TXNL1: variants seen among roughly 807,000 people sequenced by gnomAD.
TXNL1 encodes thioredoxin-like protein 1.
In TXNL1, 14 loss-of-function variants were observed where a neutral mutation model predicts 35.5. The observed-to-expected ratio is 0.39, with a 90% CI of 0.26 to 0.62. The LOEUF is 0.62. TXNL1 is among the 20% of genes least tolerant of loss of function. TXNL1 has a pLI of 0.47. For missense variants in TXNL1, 263 were observed against 349.7 expected (o/e 0.75, Z 1.98); for synonymous variants, 110 against 115.5 (o/e 0.95, Z 0.31).
At chr18:56,633,619 C>CAA (rs58501408) in intron 1 of TXNL1, among the ~76,000 whole-genome samples, 10 of 91,072 alleles carry the variant, frequency 1.1e-4, no homozygotes, top group East Asian at 1.1e-3. Context: ...GACCCTGTCT[C>CAA]AAAAAAAAAA....
At chr18:56,627,081 A>G (rs773961412) in intron 1 of TXNL1, among the ~76,000 whole-genome samples, 3 of 151,490 alleles carry the variant, frequency 2.0e-5, no homozygotes, top group Non-Finnish European at 4.4e-5. Context: ...CCCAAAGTGC[A>G]GACATTACAG....
intron 6 of TXNL1, among the ~76,000 whole-genome samples, chr18:56,611,845 ATTT>A (rs375995266): frequency 1.7e-5 from 2 of 116,488 alleles, no homozygotes; most frequent in African/African-American, 6.7e-5. Flanking sequence ...CACCCGGCTA[ATTT>A]TTTTTTTTTT....
intron 1 of TXNL1, among the ~76,000 whole-genome samples, chr18:56,634,138 T>G (rs929526542): frequency 6.6e-6 from 1 of 152,030 alleles, no homozygotes; most frequent in African/African-American, 2.4e-5. Context: ...TATCTGGGCA[T>G]AAGTAACAAT....
At chr18:56,626,787 C>T (rs2024288405) in intron 1 of TXNL1, among the ~76,000 whole-genome samples, 1 of 132,392 alleles carries the variant, frequency 7.6e-6, no homozygotes, top group African/African-American at 3.1e-5. Context: ...GCGTGAGCCA[C>T]CAAGCCGGTC....
At chr18:56,616,455 C>A (rs1213768372) in intron 4 of TXNL1, 141 bp from the exon 5 acceptor site, 3 of 674,540 alleles carry the variant, frequency 4.4e-6, no homozygotes, top group Non-Finnish European at 4.9e-6. Context: ...TATGAAAAAT[C>A]AGCAAGTGGA....
At chr18:56,619,637 T>G (rs1430165234) in intron 3 of TXNL1, among the ~76,000 whole-genome samples, 2 of 152,152 alleles carry the variant, frequency 1.3e-5, no homozygotes, top group African/African-American at 2.4e-5. Flanking sequence ...TACTTTGGAT[T>G]TTACCGTTTA....
chr18:56,616,955 G>T (rs551510826), intron 4 of TXNL1, among the ~76,000 whole-genome samples: 35 of 152,186 alleles, frequency 2.3e-4, no homozygotes, highest in Admixed American at 6.5e-4. Context: ...AGCCAAAAGT[G>T]TGTTTGATGT....
intron 6 of TXNL1, among the ~76,000 whole-genome samples, chr18:56,612,015 ATCTTTTTT>A (rs1452583309): frequency 2.3e-4 from 24 of 105,462 alleles, no homozygotes; most frequent in Admixed American, 2.0e-3. Flanking sequence ...CGCCCGGCTA[ATCTTTTTT>A]TTTTTTTTTT....
chr18:56,632,978 A>AT, intron 1 of TXNL1, among the ~76,000 whole-genome samples: 1 of 152,196 alleles, frequency 6.6e-6, no homozygotes. Flanking sequence ...ACATATGTTT[A>AT]ATATACAATT....
chr18:56,606,787 C>CA (rs764040858), intron 7 of TXNL1, among the ~76,000 whole-genome samples: 10 of 152,220 alleles, frequency 6.6e-5, no homozygotes, highest in Admixed American at 6.5e-5. Flanking sequence ...CTGCTGTAGA[C>CA]AGAGATCATG....
intron 7 of TXNL1, 71 bp from the exon 8 acceptor site, chr18:56,603,127 A>G: frequency 3.0e-6 from 4 of 1,330,614 alleles, no homozygotes; most frequent in Non-Finnish European, 4.3e-6. Context: ...AAATACTAAT[A>G]ATCAGTTTAA....
intron 1 of TXNL1, among the ~76,000 whole-genome samples, chr18:56,634,101 C>G (rs1046286379): frequency 2.7e-5 from 4 of 150,478 alleles, no homozygotes; most frequent in African/African-American, 9.8e-5. Flanking sequence ...AACAACAAAA[C>G]TGGTACTACT....
At chr18:56,629,154 AG>A (rs2024331337) in intron 1 of TXNL1, among the ~76,000 whole-genome samples, 1 of 152,234 alleles carries the variant, frequency 6.6e-6, no homozygotes, top group South Asian at 2.1e-4. Flanking sequence ...ATGTAGTATA[AG>A]GAAGTTCAAT....
At position 56,598,057 on chromosome 18, in the gene TXNL1, T is replaced by C. The variant is rs1468183842; in HGVS notation, c.*4970A>G. The C allele has an allele frequency of 1.3e-5, 2 of 152,224 alleles. No homozygotes were observed. Among genetic ancestry groups the C allele is most frequent in the Admixed American group, 6.5e-5 (1 of 15,284 alleles). 9.4% of individuals were successfully genotyped at this position (152,224 alleles called of 1,614,324 possible). ...GCTTCTCCTTCACTTCCCTAGAATG[T>C]CTCTTACACTTAACTCCCACTCTAT... On this transcript the variant is annotated 3_prime_UTR_variant, in exon 8 of 8. Transcript: ENST00000217515.
chr18:56,612,017 C>T (rs1788280), intron 6 of TXNL1, among the ~76,000 whole-genome samples: 91,013 of 109,130 alleles, frequency 0.83, 37,372 homozygotes, highest in South Asian at 0.9. Flanking sequence ...CCCGGCTAAT[C>T]TTTTTTTTTT....
intron 4 of TXNL1, among the ~76,000 whole-genome samples, 159 bp from the exon 5 acceptor site, chr18:56,616,473 T>C (rs1269572189): frequency 6.6e-6 from 1 of 151,924 alleles, no homozygotes; most frequent in Non-Finnish European, 1.5e-5. Context: ...GGAGAGTCAC[T>C]TGATTAGATA....
intron 1 of TXNL1, among the ~76,000 whole-genome samples, chr18:56,631,523 T>C (rs968358725): frequency 7.9e-5 from 12 of 152,208 alleles, no homozygotes; most frequent in South Asian, 4.1e-4. Flanking sequence ...TGAAAACTTA[T>C]CTGCTTAGTC....
intron 1 of TXNL1, 74 bp from the exon 2 acceptor site, chr18:56,626,531 A>G: frequency 7.7e-7 from 1 of 1,305,650 alleles, no homozygotes; most frequent in Admixed American, 2.1e-5. Context: ...TTAAACATAA[A>G]ATAGAACAAA....
At chr18:56,629,147 T>C (rs2024331078) in intron 1 of TXNL1, among the ~76,000 whole-genome samples, 1 of 152,182 alleles carries the variant, frequency 6.6e-6, no homozygotes, top group Non-Finnish European at 1.5e-5. Context: ...CAATAACATG[T>C]AGTATAAGGA....
Sources: gnomAD v4.1 joint callset for allele counts (sites outside exome capture counted in the v4.1 genomes callset) on GRCh38, gnomAD v4.1.1 for gene constraint, MANE v1.5 for transcripts, NCBI Gene and HGNC (gene_info 2026-07-23, HGNC 2026-07-21) for gene names.